The following TRAF1 variants were observed in gnomAD, a reference collection of about 807,000 sequenced individuals.
TRAF1 encodes TNF receptor associated factor 1.
TRAF1 carries 23 observed loss-of-function variants against 40.9 expected under a neutral mutation model. The ratio of observed to expected loss-of-function variants is 0.56; its 90% CI spans 0.40 to 0.80. The LOEUF (loss-of-function observed/expected upper bound fraction) is 0.80. Ranked by LOEUF, TRAF1 falls within the 30% of genes least tolerant of loss-of-function variation. The pLI is 0.00. For missense variants in TRAF1, 477 were observed against 528.7 expected, an observed-to-expected ratio of 0.90 and a Z score of 0.96; for synonymous variants, 206 against 218.8, an observed-to-expected ratio of 0.94 and a Z score of 0.52.
chr9:120,904,281 C>T lies in TRAF1; in HGVS notation c.*739G>A, dbSNP rs1274803469. ...GTGTTGGGGAAGCTGAGCTGCCAGG[C>T]CCAGGGTGGCAGGTGCCCTGTGGAC... On this transcript the variant is annotated 3_prime_UTR_variant, in exon 8 of 8. Coordinates refer to ENST00000373887, the MANE Select transcript of TRAF1 (RefSeq NM_005658.5). 1 of 152,396 alleles carries T rather than the reference C, an allele frequency of 6.6e-6. No homozygotes were observed. The highest frequency in any genetic ancestry group is 1.5e-5 in the Non-Finnish European group (1 of 68,284). The allele number at this position is 152,396 out of a possible 1,614,324, so 9.4% of individuals were successfully genotyped here. A position where few individuals can be genotyped will look rare whatever the true frequency, so the allele number is the denominator to read the frequency against.
intron 3 of TRAF1, among the ~76,000 whole-genome samples, chr9:120,915,642 G>A (rs1454171708): frequency 6.6e-6 from 1 of 151,958 alleles, no homozygotes; most frequent in African/African-American, 2.4e-5. Flanking sequence ...AGACAGCCTG[G>A]GCAACATAAT....
upstream of TRAF1, chr9:120,927,261 C>T (rs1043078559): frequency 2.6e-5 from 4 of 152,184 alleles, no homozygotes; most frequent in African/African-American, 9.7e-5. Context: ...CCCTACACAT[C>T]TTTCCATCCT....
chr9:120,925,360 A>G (rs1393789449), intron 2 of TRAF1, among the ~76,000 whole-genome samples: 2 of 152,224 alleles, frequency 1.3e-5, no homozygotes, highest in African/African-American at 4.8e-5. Flanking sequence ...GGATGTCCAC[A>G]ATAGTACTGA....
intron 3 of TRAF1, among the ~76,000 whole-genome samples, chr9:120,916,477 A>AT (rs963261173): frequency 2.9e-4 from 44 of 151,388 alleles, no homozygotes; most frequent in East Asian, 2.1e-3. Context: ...TTATTTATTT[A>AT]TTTTTTTTTG....
intron 3 of TRAF1, among the ~76,000 whole-genome samples, chr9:120,920,704 A>G (rs937305135): frequency 2.6e-5 from 4 of 152,344 alleles, no homozygotes; most frequent in African/African-American, 9.6e-5. Flanking sequence ...TACATTAGGT[A>G]ATCAGTCCAT....
rs768360024 is a variant in TRAF1 at position 120,911,447 on chromosome 9, G to A, written c.772C>T (p.Arg258Cys). 5.0e-6 allele frequency: 8 copies of A among 1,613,510 alleles called. No homozygotes were observed. Among genetic ancestry groups the A allele is most frequent in the Middle Eastern group, 3.3e-4 (2 of 6,062 alleles). ...QALGKLEQSL[R>C]LMEEASFDGT... ...TCGAAGGAGGCCTCCTCCATGAGGC[G>A]CAAGCTCTGCTCCAGCTTGCCCAGG... The change falls in exon 6 of 8, where the codon CGC (arginine) becomes TGC (cysteine). Residue 258 changes from arginine to cysteine, a missense_variant. Transcript: ENST00000373887.
At chr9:120,915,749 G>A (rs1382924256) in intron 3 of TRAF1, among the ~76,000 whole-genome samples, 1 of 151,976 alleles carries the variant, frequency 6.6e-6, no homozygotes, top group Non-Finnish European at 1.5e-5. Context: ...TGGGAGGATC[G>A]CTTGAGCCCA....
At chr9:120,921,027 C>T (rs2046601173) in intron 3 of TRAF1, among the ~76,000 whole-genome samples, 1 of 152,220 alleles carries the variant, frequency 6.6e-6, no homozygotes, top group East Asian at 1.9e-4. Context: ...TGACTTACCG[C>T]CCCTCCCCAC....
At chr9:120,908,923 T>C (rs1229220231) in intron 7 of TRAF1, among the ~76,000 whole-genome samples, 2 of 151,076 alleles carry the variant, frequency 1.3e-5, no homozygotes, top group Admixed American at 6.6e-5. Flanking sequence ...CTCAAACTCC[T>C]GAGCTCAAGC....
At chr9:120,906,840 G>A (rs1404610773) in intron 7 of TRAF1, among the ~76,000 whole-genome samples, 2 of 152,118 alleles carry the variant, frequency 1.3e-5, no homozygotes, top group Non-Finnish European at 2.9e-5. Flanking sequence ...GACAATCACT[G>A]ATCTTACTGT....
chr9:120,913,777 G>A, intron 4 of TRAF1, 39 bp from the exon 5 acceptor site: 2 of 1,520,648 alleles, frequency 1.3e-6, no homozygotes, highest in East Asian at 2.3e-5. Context: ...AAACAGAGGT[G>A]GAGTGAGGAC....
chr9:120,925,881 G>A, intron 2 of TRAF1, 55 bp downstream of exon 2: 1 of 1,610,060 alleles, frequency 6.2e-7, no homozygotes, highest in Non-Finnish European at 8.5e-7. Flanking sequence ...CTCCCATCAG[G>A]GGTCCCTCCC....
Position 120,905,191 on chromosome 9 carries a change from G to C in TRAF1, c.1080C>G (p.Asp360Glu). Residue 360 changes from aspartate (D) to glutamate (E), a missense_variant, in exon 8 of 8, where the codon GAC becomes GAG. Asp to Glu is a conservative substitution (Grantham distance 45). Coordinates refer to ENST00000373887, the MANE Select transcript of TRAF1 (RefSeq NM_005658.5). ...LDQNNREHAI[D>E]AFRPDLSSAS... ...CTGAGCTTAGGTCAGGCCGGAAGGC[G>C]TCAATGGCGTGCTCACGGTTGTTCT... is the stretch of plus-strand genomic sequence containing the variant. The C allele has an allele frequency of 6.2e-7, 1 of 1,613,948 alleles. No individual in the cohort carries two copies. The highest frequency in any genetic ancestry group is 8.5e-7 in the Non-Finnish European group (1 of 1,179,908).
At chr9:120,922,997 C>G (rs907796282) in intron 3 of TRAF1, among the ~76,000 whole-genome samples, 1 of 152,054 alleles carries the variant, frequency 6.6e-6, no homozygotes, top group African/African-American at 2.4e-5. Flanking sequence ...TGCCACCATG[C>G]CAGGTTAGTT....
In TRAF1 at chr9:120,903,313, C is replaced by A. The variant is rs956656276; in HGVS notation, c.*1707G>T. The A allele has an allele frequency of 1.3e-5, 2 of 152,304 alleles. No homozygotes were observed. The highest frequency in any genetic ancestry group is 4.8e-5 in the African/African-American group (2 of 41,456). The allele number at this position is 152,304 out of a possible 1,614,324, so 9.4% of individuals were successfully genotyped here. Reference sequence around the variant, plus strand: ...TTGCAGTTGGGCCTCCTGAAAACCCCTAGAGCTGGAGAGGGCAAGGGAGAG... The same window carrying A: ...TTGCAGTTGGGCCTCCTGAAAACCCATAGAGCTGGAGAGGGCAAGGGAGAG... On this transcript the variant is annotated 3_prime_UTR_variant, in exon 8 of 8. Coordinates refer to ENST00000373887, the MANE Select transcript of TRAF1 (RefSeq NM_005658.5).
chr9:120,928,071 G>C (rs983352376), upstream of TRAF1: 1 of 152,182 alleles, frequency 6.6e-6, no homozygotes, highest in African/African-American at 2.4e-5. Context: ...ACCGTCTTAC[G>C]TAATTTTACA....
rs1342811115 is a variant in TRAF1 at position 120,903,535 on chromosome 9, AG to A, written c.*1484del. On this transcript the variant is annotated 3_prime_UTR_variant, in exon 8 of 8. Coordinates refer to ENST00000373887, the MANE Select transcript of TRAF1 (RefSeq NM_005658.5). ...TTATAGAAGCAACCCTAACGATTTG[AG>A]CAATGGAGTCTGGCACAGGCTCAGC... The A allele has an allele frequency of 6.6e-6, 1 of 152,624 alleles. No homozygotes were observed. The highest frequency in any genetic ancestry group is 1.5e-5 in the Non-Finnish European group (1 of 68,360). The allele number at this position is 152,624 out of a possible 1,614,324, so 9.5% of individuals were successfully genotyped here.
At chr9:120,917,116 C>G (rs956261585) in intron 3 of TRAF1, among the ~76,000 whole-genome samples, 3 of 152,188 alleles carry the variant, frequency 2.0e-5, no homozygotes, top group African/African-American at 7.2e-5. Context: ...GTTGTGTGAA[C>G]AGCAAATGTC....
At chr9:120,905,431 C>T (rs568827327) in intron 7 of TRAF1, among the ~76,000 whole-genome samples, 193 bp from the exon 8 acceptor site, 4 of 152,204 alleles carry the variant, frequency 2.6e-5, no homozygotes, top group Non-Finnish European at 2.9e-5. Flanking sequence ...AGGGAGCCAG[C>T]GGCACCTGGT....
Sources: allele counts gnomAD v4.1 joint callset (sites outside exome capture counted in the v4.1 genomes callset), GRCh38; gene constraint gnomAD v4.1.1; transcripts MANE v1.5; gene names NCBI Gene and HGNC (gene_info 2026-07-23, HGNC 2026-07-21).